The following THSD7B variants were observed in gnomAD, a reference collection of about 807,000 sequenced individuals.
THSD7B encodes the protein thrombospondin type 1 domain containing 7B, also known as thrombospondin type-1 domain-containing protein 7B.
Under a neutral mutation model 213.6 loss-of-function variants are expected in THSD7B, and 138 were observed. The observed-to-expected ratio is 0.65, with a 90% CI of 0.56 to 0.74. The LOEUF is 0.74. Ranked by LOEUF, THSD7B falls within the 30% of genes least tolerant of loss-of-function variation. The pLI is 0.00. For synonymous variants in THSD7B, 742 were observed against 687.0 expected (o/e 1.08, Z -1.25); for missense variants, 1,931 against 1,991.5 (o/e 0.97, Z 0.58).
At chr2:136,916,353 G>A (rs921903584) in intron 2 of THSD7B, among the ~76,000 whole-genome samples, 5 of 152,174 alleles carry the variant, frequency 3.3e-5, no homozygotes, top group African/African-American at 4.8e-5. Flanking sequence ...GTGGCTTCAT[G>A]AAGCAGACCT....
intron 12 of THSD7B, among the ~76,000 whole-genome samples, chr2:137,384,653 C>G (rs1244407703): frequency 6.6e-6 from 1 of 152,136 alleles, no homozygotes; most frequent in African/African-American, 2.4e-5. Flanking sequence ...GGGCCCCACT[C>G]CAAACATGGC....
At chr2:137,543,428 A>C (rs1217902850) in intron 15 of THSD7B, among the ~76,000 whole-genome samples, 4 of 151,854 alleles carry the variant, frequency 2.6e-5, no homozygotes, top group Non-Finnish European at 5.9e-5. Flanking sequence ...GGATATCCAC[A>C]TGCAAAGAAT....
At position 137,393,026 on chromosome 2, in the gene THSD7B, C is replaced by T. The variant is rs547233320; in HGVS notation, c.2501-12587C>T. Among the ~76,000 whole-genome samples, 26 of 151,948 alleles carry T rather than the reference C, an allele frequency of 1.7e-4. No individual in the cohort carries two copies. In the South Asian group the frequency reaches 4.4e-3, roughly 26 times the overall value. ...AAATCCTAAAGATTTTTTGTAGAAC[C>T]GGTCTGACAGTAACGAGTTTCCTCA... On this transcript the variant is annotated intron_variant, in intron 12 of 27. Coordinates refer to ENST00000409968, the MANE Select transcript of THSD7B (RefSeq NM_001316349.2).
intron 16 of THSD7B, among the ~76,000 whole-genome samples, chr2:137,566,623 TTCATCTGGGCATGCCCATCG>T (rs1471313883): frequency 6.6e-6 from 1 of 152,110 alleles, no homozygotes; most frequent in Non-Finnish European, 1.5e-5. Flanking sequence ...TGGTACTTAG[TTCATCTGGGCATGCCCATCG>T]GGTTTCATAA....
intron 2 of THSD7B, among the ~76,000 whole-genome samples, chr2:136,940,711 GTA>G (rs59133386): frequency 0.49 from 67,525 of 137,728 alleles, 17,149 homozygotes; most frequent in Non-Finnish European, 0.58. Context: ...GTGTGTGTGT[GTA>G]TATATATATA....
chr2:137,447,789 A>C (rs1687571288), intron 14 of THSD7B, among the ~76,000 whole-genome samples: 2 of 152,118 alleles, frequency 1.3e-5, no homozygotes. Context: ...GAGAGAGAAA[A>C]AAAGAAAGAA....
intron 12 of THSD7B, among the ~76,000 whole-genome samples, chr2:137,304,558 T>C (rs1683699006): frequency 6.6e-6 from 1 of 152,144 alleles, no homozygotes; most frequent in Non-Finnish European, 1.5e-5. Flanking sequence ...CTTAATACAT[T>C]ATAAATTAAA....
chr2:136,881,353 A>G (rs1683619496), intron 1 of THSD7B, among the ~76,000 whole-genome samples: 1 of 152,164 alleles, frequency 6.6e-6, no homozygotes, highest in African/African-American at 2.4e-5. Flanking sequence ...TATACAAGGT[A>G]TCTGCCAACT....
intron 21 of THSD7B, among the ~76,000 whole-genome samples, chr2:137,650,674 A>G (rs372583760): frequency 3.0e-4 from 46 of 152,306 alleles, no homozygotes; most frequent in African/African-American, 1.1e-3. Flanking sequence ...CTTAGAGCAA[A>G]CGCTTTCCAT....
At chr2:137,412,749 C>A (rs1000425351) in intron 14 of THSD7B, among the ~76,000 whole-genome samples, 6 of 151,324 alleles carry the variant, frequency 4.0e-5, no homozygotes, top group Admixed American at 6.6e-5. Flanking sequence ...TGTTTTTGAA[C>A]CTTAATTGGG....
rs1553482940 is a variant in THSD7B at position 137,252,277 on chromosome 2, A to AAC, written c.2266+9706_2266+9707insCA. 1.3e-3 allele frequency among the ~76,000 whole-genome samples: 190 copies of AAC among 150,674 alleles called. 3 individuals are homozygous for AAC. Among genetic ancestry groups the AAC allele is most frequent in the African/African-American group, 4.5e-3 (184 of 40,692 alleles). ...GCGAGACTCTGTCTCAAAAAAAAAA[A>AAC]AAAAAAAAAAAAACAAAGGGTTGGG... On this transcript the variant is annotated intron_variant, in intron 10 of 27. Coordinates refer to ENST00000409968, the MANE Select transcript of THSD7B (RefSeq NM_001316349.2).
At chr2:136,994,368 C>T (rs1363056414) in intron 2 of THSD7B, among the ~76,000 whole-genome samples, 1 of 152,048 alleles carries the variant, frequency 6.6e-6, no homozygotes, top group Non-Finnish European at 1.5e-5. Context: ...AGATCGAGAC[C>T]ATCCTGGCTA....
At chr2:137,055,366 C>T (rs1408713301) in intron 2 of THSD7B, among the ~76,000 whole-genome samples, 1 of 152,194 alleles carries the variant, frequency 6.6e-6, no homozygotes, top group Non-Finnish European at 1.5e-5. Context: ...AATCACCACA[C>T]TGTCTTTCAC....
intron 12 of THSD7B, among the ~76,000 whole-genome samples, chr2:137,308,598 T>A (rs561848180): frequency 1.3e-5 from 2 of 152,238 alleles, no homozygotes; most frequent in African/African-American, 4.8e-5. Context: ...GTTTTATGTG[T>A]TTATATAATT....
At position 137,642,188 on chromosome 2, in the gene THSD7B, T is replaced by A. The variant is rs560710364; in HGVS notation, c.3800-300T>A. ...GCTTAATAAATAAATATTTATTAAA[T>A]GAATTGACAGTCTACCAATGTTTAC... On this transcript the variant is annotated intron_variant, in intron 20 of 27. Transcript: ENST00000409968. 1.2e-5 allele frequency: 3 copies of A among 240,478 alleles called. No individual in the cohort carries two copies. The East Asian group carries it at 3.0e-4, about 24-fold the overall frequency. The allele number at this position is 240,478 out of a possible 1,614,324, so 14.9% of individuals were successfully genotyped here. A position where few individuals can be genotyped will look rare whatever the true frequency, so the allele number is the denominator to read the frequency against.
chr2:137,381,160 T>A (rs1489085934), intron 12 of THSD7B, among the ~76,000 whole-genome samples: 4 of 152,338 alleles, frequency 2.6e-5, no homozygotes, highest in African/African-American at 7.2e-5. Context: ...GCCATGTGGC[T>A]GCAACATGGA....
At chr2:136,886,614 A>G (rs80211543) in intron 2 of THSD7B, among the ~76,000 whole-genome samples, 4,468 of 152,280 alleles carry the variant, frequency 0.029, 102 homozygotes, top group South Asian at 0.071. Flanking sequence ...AAATGCACAG[A>G]GCAGTCTTCT....
chr2:136,872,227 G>A (rs1683440489), intron 1 of THSD7B, among the ~76,000 whole-genome samples: 2 of 152,154 alleles, frequency 1.3e-5, no homozygotes, highest in South Asian at 4.1e-4. Flanking sequence ...GCAGCTCTGT[G>A]ATGGTGTCTG....
chr2:136,846,869 A>G (rs986372188), intron 1 of THSD7B, among the ~76,000 whole-genome samples: 1 of 152,312 alleles, frequency 6.6e-6, no homozygotes, highest in African/African-American at 2.4e-5. Flanking sequence ...ATAAATATCA[A>G]TAATAAAAAT....
Sources: allele counts gnomAD v4.1 joint callset (sites outside exome capture counted in the v4.1 genomes callset), GRCh38; gene constraint gnomAD v4.1.1; transcripts MANE v1.5; gene names NCBI Gene and HGNC (gene_info 2026-07-23, HGNC 2026-07-21).